The following KCNQ1OT1 variants were observed in gnomAD, a reference collection of about 807,000 sequenced individuals.
The protein encoded by KCNQ1OT1 is KCNQ1 antisense RNA 2 (non-protein coding).
chr11:2,654,961 G>T lies in KCNQ1OT1; in HGVS notation n.45034C>A. The T allele has an allele frequency of 2.5e-6, 1 of 398,522 alleles. No homozygotes were observed. The highest frequency in any genetic ancestry group is 1.3e-4 in the South Asian group (1 of 7,808). The allele number at this position is 398,522 out of a possible 1,614,324, so 24.7% of individuals were successfully genotyped here. A position where few individuals can be genotyped will look rare whatever the true frequency, so the allele number is the denominator to read the frequency against. ...AGACTTCCACAAATTATTGTTTCTT[G>T]ACTTGGAAAAGTATCATGCAAAATA... On this transcript the variant is annotated non_coding_transcript_exon_variant, in exon 1 of 1. Coordinates refer to ENST00000597346, the Ensembl canonical transcript of KCNQ1OT1. The surrounding 1 kb of genome is among the most constrained non-coding windows in gnomAD (Gnocchi z 6.4).
At chr11:2,655,756 G>A (rs1849835923) in exon 1 of KCNQ1OT1, 2 of 377,592 alleles carry the variant, frequency 5.3e-6, no homozygotes, top group Middle Eastern at 6.8e-4. Flanking sequence ...CAGGGAAGAG[G>A]TGGCAGCTCT....
exon 1 of KCNQ1OT1, chr11:2,649,719 T>G (rs1649253220): frequency 2.5e-6 from 1 of 398,470 alleles, no homozygotes; most frequent in Non-Finnish European, 4.4e-6. Context: ...TCTCTCTTGT[T>G]TTTTAAATTC....
exon 1 of KCNQ1OT1, chr11:2,648,629 G>C (rs1337217290): frequency 2.5e-6 from 1 of 398,406 alleles, no homozygotes; most frequent in East Asian, 3.6e-5. Flanking sequence ...ATTGTGGTCT[G>C]AGAAGATACT....
At chr11:2,615,840 A>G (rs1273463100) in exon 1 of KCNQ1OT1, 2 of 397,790 alleles carry the variant, frequency 5.0e-6, no homozygotes, top group Non-Finnish European at 8.9e-6. Context: ...CTTGTGGTAT[A>G]TTTGTCTGGC....
In KCNQ1OT1 at chr11:2,612,282, G is replaced by C; in HGVS notation, n.87713C>G. ...CCTATTGTGAACTGAGCATGTGAGG[G>C]ATCTAGGTTGTGCACTCCGTATGAG... On this transcript the variant is annotated non_coding_transcript_exon_variant, in exon 1 of 1. Transcript: ENST00000597346. The surrounding 1 kb of genome is among the most constrained non-coding windows in gnomAD (Gnocchi z 5.5). The C allele has an allele frequency of 7.5e-6, 3 of 398,580 alleles. No individual in the cohort carries two copies. The highest frequency in any genetic ancestry group is 8.8e-6 in the Non-Finnish European group (2 of 226,054). The allele number at this position is 398,580 out of a possible 1,614,324, so 24.7% of individuals were successfully genotyped here. A position where few individuals can be genotyped will look rare whatever the true frequency, so the allele number is the denominator to read the frequency against.
rs926845306 is a variant in KCNQ1OT1, at chr11:2,649,342, C to A, written n.50653G>T. 1.3e-5 allele frequency: 5 copies of A among 398,110 alleles called. No individual in the cohort carries two copies. In the East Asian group the frequency reaches 1.4e-4, roughly 11 times the overall value. The allele number at this position is 398,110 out of a possible 1,614,324, so 24.7% of individuals were successfully genotyped here. ...TTTTCTGTAGTGATAATCTTTTATT[C>A]CTTTTCCTTTCTCATTTGTGTATCT... On this transcript the variant is annotated non_coding_transcript_exon_variant, in exon 1 of 1. Transcript: ENST00000597346.
At chr11:2,688,843 G>A in exon 1 of KCNQ1OT1, 1 of 398,982 alleles carries the variant, frequency 2.5e-6, no homozygotes, top group East Asian at 3.6e-5. Flanking sequence ...TGGCACTCCA[G>A]GTGGAGAGGG....
At chr11:2,630,310 G>T in exon 1 of KCNQ1OT1, 1 of 397,932 alleles carries the variant, frequency 2.5e-6, no homozygotes, top group South Asian at 1.3e-4. Context: ...AATTCAGTTT[G>T]ATCATATTTT....
rs1294335440 is a variant in KCNQ1OT1, at chr11:2,661,101, C to T, written n.38894G>A. On this transcript the variant is annotated non_coding_transcript_exon_variant, in exon 1 of 1. Coordinates refer to ENST00000597346, the Ensembl canonical transcript of KCNQ1OT1. The surrounding 1 kb of genome is among the most constrained non-coding windows in gnomAD (Gnocchi z 5.9). ...ATCCCATGTGCATAAAAGCAACTCC[C>T]ACCTGGCATCTGCTGCTCGGATGAG... The T allele has an allele frequency of 2.5e-6, 1 of 398,358 alleles. No homozygotes were observed. The highest frequency in any genetic ancestry group is 4.4e-5 in the Admixed American group (1 of 22,660). The allele number at this position is 398,358 out of a possible 1,614,324, so 24.7% of individuals were successfully genotyped here. A position where few individuals can be genotyped will look rare whatever the true frequency, so the allele number is the denominator to read the frequency against.
chr11:2,610,212 C>T (rs1008510713), exon 1 of KCNQ1OT1: 35 of 397,546 alleles, frequency 8.8e-5, no homozygotes, highest in East Asian at 2.9e-4. Flanking sequence ...CCTTATGTAT[C>T]GTCTCAAAAT....
chr11:2,652,086 C>T lies in KCNQ1OT1; in HGVS notation n.47909G>A. The T allele has an allele frequency of 2.5e-6, 1 of 398,686 alleles. No homozygotes were observed. The highest frequency in any genetic ancestry group is 4.4e-6 in the Non-Finnish European group (1 of 226,108). 24.7% of individuals were successfully genotyped at this position (398,686 alleles called of 1,614,324 possible). ...CAATTTGAGAAGCTATGGGGAGCCT[C>T]TCGGCCCCAGTTCTGGCCTGGCTGG... On this transcript the variant is annotated non_coding_transcript_exon_variant, in exon 1 of 1. Coordinates refer to ENST00000597346, the Ensembl canonical transcript of KCNQ1OT1. This position sits in a 1 kb window ranked among gnomAD's most constrained non-coding sequence, Gnocchi z 5.9.
At chr11:2,618,229 G>T in exon 1 of KCNQ1OT1, 1 of 398,324 alleles carries the variant, frequency 2.5e-6, no homozygotes, top group Non-Finnish European at 4.4e-6. Context: ...AAATCTTTTG[G>T]CTTCCCGGGG....
rs1244198399 is a variant in KCNQ1OT1, at chr11:2,678,965, A to G, written n.21030T>C. The G allele has an allele frequency of 2.5e-6, 1 of 398,548 alleles. No homozygotes were observed. The highest frequency in any genetic ancestry group is 2.1e-5 in the African/African-American group (1 of 48,626). 24.7% of individuals were successfully genotyped at this position (398,548 alleles called of 1,614,324 possible). A position where few individuals can be genotyped will look rare whatever the true frequency, so the allele number is the denominator to read the frequency against. ...TTGCTAACTCAATAGAGAACAAAAGAGCAAATAGGCCTAATTCAAGAATTT... is the reference window on the plus strand; with the variant it reads ...TTGCTAACTCAATAGAGAACAAAAGGGCAAATAGGCCTAATTCAAGAATTT... On this transcript the variant is annotated non_coding_transcript_exon_variant, in exon 1 of 1. Coordinates refer to ENST00000597346, the Ensembl canonical transcript of KCNQ1OT1. This position sits in a 1 kb window ranked among gnomAD's most constrained non-coding sequence, Gnocchi z 4.9.
In KCNQ1OT1 at chr11:2,678,252, G is replaced by A; in HGVS notation, n.21743C>T. 1 of 398,274 alleles carries A rather than the reference G, an allele frequency of 2.5e-6. No individual in the cohort carries two copies. The allele number at this position is 398,274 out of a possible 1,614,324, so 24.7% of individuals were successfully genotyped here. A position where few individuals can be genotyped will look rare whatever the true frequency, so the allele number is the denominator to read the frequency against. Reference sequence around the variant, plus strand: ...GTTTGAGGTCCTTATCTTAAATTCTGAAATAACCTCTCATCCTGAAATTGT... The same window carrying A: ...GTTTGAGGTCCTTATCTTAAATTCTAAAATAACCTCTCATCCTGAAATTGT... On this transcript the variant is annotated non_coding_transcript_exon_variant, in exon 1 of 1. Coordinates refer to ENST00000597346, the Ensembl canonical transcript of KCNQ1OT1. This position sits in a 1 kb window ranked among gnomAD's most constrained non-coding sequence, Gnocchi z 4.9.
Position 2,668,008 on chromosome 11 carries a change from G to A in KCNQ1OT1, n.31987C>T. The stretch of plus-strand genomic sequence containing the variant: ...GTCACTGACCTTGAGATTAACCACA[G>A]GCCTAACTGCTAGCAGCAAGGACCA... On this transcript the variant is annotated non_coding_transcript_exon_variant, in exon 1 of 1. Coordinates refer to ENST00000597346, the Ensembl canonical transcript of KCNQ1OT1. The surrounding 1 kb of genome is among the most constrained non-coding windows in gnomAD (Gnocchi z 4.3). The A allele has an allele frequency of 2.5e-6, 1 of 398,640 alleles. No homozygotes were observed. The highest frequency in any genetic ancestry group is 4.4e-6 in the Non-Finnish European group (1 of 226,096). 24.7% of individuals were successfully genotyped at this position (398,640 alleles called of 1,614,324 possible). A position where few individuals can be genotyped will look rare whatever the true frequency, so the allele number is the denominator to read the frequency against.
At chr11:2,667,089 C>T (rs1164310534) in exon 1 of KCNQ1OT1, 2 of 398,520 alleles carry the variant, frequency 5.0e-6, no homozygotes, top group South Asian at 2.5e-4. Context: ...AAATGTTCTT[C>T]TAATTAAATT....
At chr11:2,648,287 C>G (rs560388702) in exon 1 of KCNQ1OT1, 1 of 398,388 alleles carries the variant, frequency 2.5e-6, no homozygotes, top group African/African-American at 2.1e-5. Flanking sequence ...CTGCTCTGAT[C>G]TTTACTATTT....
chr11:2,659,717 AC>A lies in KCNQ1OT1; in HGVS notation n.40277del. 5.0e-6 allele frequency: 2 copies of A among 398,540 alleles called. No homozygotes were observed. The highest frequency in any genetic ancestry group is 8.8e-6 in the Non-Finnish European group (2 of 226,020). The allele number at this position is 398,540 out of a possible 1,614,324, so 24.7% of individuals were successfully genotyped here. A position where few individuals can be genotyped will look rare whatever the true frequency, so the allele number is the denominator to read the frequency against. On this transcript the variant is annotated non_coding_transcript_exon_variant, in exon 1 of 1. Coordinates refer to ENST00000597346, the Ensembl canonical transcript of KCNQ1OT1. The surrounding 1 kb of genome is among the most constrained non-coding windows in gnomAD (Gnocchi z 4.3). ...GTGCCATTTTGCATTCCCACCAGTA[AC>A]ATATGAGAGTTCTACATGTTCCACA...
At chr11:2,693,571 G>T (rs925999485) in exon 1 of KCNQ1OT1, 1 of 398,666 alleles carries the variant, frequency 2.5e-6, no homozygotes, top group Non-Finnish European at 4.4e-6. Flanking sequence ...CGGAGGAGCA[G>T]GGATTCTTCC....
Sources: allele counts gnomAD v4.1 joint callset, GRCh38; gene constraint gnomAD v4.1.1; non-coding constraint Gnocchi (gnomAD v3.1); transcripts MANE v1.5; gene names NCBI Gene and HGNC (gene_info 2026-07-23, HGNC 2026-07-21).